The following VCPIP1 variants were observed in gnomAD, a reference collection of about 807,000 sequenced individuals.
The protein encoded by VCPIP1 is deubiquitinating protein VCPIP1.
VCPIP1 carries 8 observed loss-of-function variants against 85.0 expected under a neutral mutation model. The observed-to-expected ratio is 0.09, with a 90% CI of 0.06 to 0.17. The LOEUF is 0.17. Among genes scored for constraint, VCPIP1 ranks in the 10% least tolerant of loss-of-function variants. The pLI is 1.00. For missense variants in VCPIP1, 1,070 were observed against 1,486.3 expected (o/e 0.72, Z 4.61); for synonymous variants, 543 against 544.5 (o/e 1.00, Z 0.04).
chr8:66,644,518 TAG>T (rs905548142), intron 2 of VCPIP1, among the ~76,000 whole-genome samples: 3 of 152,072 alleles, frequency 2.0e-5, no homozygotes, highest in African/African-American at 7.2e-5. Context: ...AACCCAGGAA[TAG>T]AAAGAAATGT....
chr8:66,632,854 T>C lies in VCPIP1; in HGVS notation c.*1647A>G, dbSNP rs1295661502. ...AGTGTACAATATAAAAGTTTAAAAA[T>C]TTCCTGCTGTTTTGATAGGGAGAAA... is the stretch of plus-strand genomic sequence containing the variant. On this transcript the variant is annotated 3_prime_UTR_variant, in exon 3 of 3. Transcript: ENST00000310421. The C allele has an allele frequency of 6.6e-6, 1 of 152,062 alleles. No individual in the cohort carries two copies. The highest frequency in any genetic ancestry group is 2.4e-5 in the African/African-American group (1 of 41,430). 9.4% of individuals were successfully genotyped at this position (152,062 alleles called of 1,614,324 possible).
chr8:66,643,889 A>AAG (rs1487504258), intron 2 of VCPIP1, among the ~76,000 whole-genome samples: 20 of 150,784 alleles, frequency 1.3e-4, no homozygotes, highest in Non-Finnish European at 3.0e-5. Context: ...ACAGCCAAAA[A>AAG]AAAAAAAAAA....
chr8:66,634,774 T>C lies in VCPIP1; in HGVS notation c.3396A>G (p.Ser1132=). 6.2e-7 allele frequency: 1 copy of C among 1,614,238 alleles called. No homozygotes were observed. The highest frequency in any genetic ancestry group is 8.5e-7 in the Non-Finnish European group (1 of 1,180,040). Residue 1132 remains serine (S), a synonymous_variant, in exon 3 of 3, where the codon TCA becomes TCG. Coordinates refer to ENST00000310421, the MANE Select transcript of VCPIP1 (RefSeq NM_025054.5). The stretch of plus-strand genomic sequence containing the variant: ...TTTTCCTTTGAGGAAGATCAGATGG[T>C]GACTGCTCTGTACTTTGATCCCGAA... The part of the protein sequence containing the change: ...RHLRDQSTEQ[S]PSDLPQRKTE...
In VCPIP1 at chr8:66,635,284, A is replaced by G; in HGVS notation, c.2886T>C (p.Cys962=). Residue 962 remains cysteine (C), a synonymous_variant, in exon 3 of 3, where the codon TGT becomes TGC. Transcript: ENST00000310421. ...YNASEDRLEL[C]VDAAGHFPIG... ...TGGGGAAATGTCCTGCAGCATCCAC[A>G]CACAATTCCAGTCTATCTTCAGAAG... 1.2e-6 allele frequency: 2 copies of G among 1,614,222 alleles called. No homozygotes were observed. The highest frequency in any genetic ancestry group is 1.7e-6 in the Non-Finnish European group (2 of 1,180,042).
intron 1 of VCPIP1, among the ~76,000 whole-genome samples, chr8:66,654,869 A>G (rs1046576254): frequency 6.6e-6 from 1 of 152,240 alleles, no homozygotes; most frequent in Non-Finnish European, 1.5e-5. Context: ...GCCGTATGGC[A>G]AAGTCCAAGT....
intron 2 of VCPIP1, among the ~76,000 whole-genome samples, chr8:66,647,009 A>C (rs1811001978): frequency 6.6e-6 from 1 of 152,088 alleles, no homozygotes; most frequent in Non-Finnish European, 1.5e-5. Flanking sequence ...TAGGCAACAG[A>C]GCAAGACTCT....
intron 2 of VCPIP1, 40 bp downstream of exon 2, chr8:66,651,418 G>T: frequency 7.0e-7 from 1 of 1,436,360 alleles, no homozygotes. Context: ...AACAGCTTCA[G>T]TAGAGCTATT....
At position 66,666,706 on chromosome 8, in the gene VCPIP1, C is replaced by T; in HGVS notation, c.253G>A (p.Val85Ile). ...ACGTCCGGGTCGGTCACCTCCTCAA[C>T]CCCCAGCAGCTGTTGCTGCTCGTGC... ...QRHEQQQLLG[V>I]EEVTDPDVVL... Residue 85 changes from valine (V) to isoleucine (I), a missense_variant, in exon 1 of 3, where the codon GTT (valine) becomes ATT (isoleucine). Physicochemically the swap from Val to Ile is conservative, Grantham distance 29. Transcript: ENST00000310421. The surrounding 1 kb of genome is among the most constrained non-coding windows in gnomAD (Gnocchi z 6.3). 6.2e-7 allele frequency: 1 copy of T among 1,614,196 alleles called. No homozygotes were observed. The highest frequency in any genetic ancestry group is 1.1e-5 in the South Asian group (1 of 91,080).
At chr8:66,651,630 A>G in intron 1 of VCPIP1, 86 bp from the exon 2 acceptor site, 1 of 1,041,420 alleles carries the variant, frequency 9.6e-7, no homozygotes. Flanking sequence ...CCTAGAATAA[A>G]CATCAAGGCA....
At position 66,667,193 on chromosome 8, in the gene VCPIP1, C is replaced by T. The variant is rs1001691994; in HGVS notation, c.-235G>A. 6.0e-5 allele frequency: 44 copies of T among 737,422 alleles called. 1 individual carries two copies. The South Asian group carries it at 6.7e-4, about 11-fold the overall frequency. The allele number at this position is 737,422 out of a possible 1,614,324, so 45.7% of individuals were successfully genotyped here. A position where few individuals can be genotyped will look rare whatever the true frequency, so the allele number is the denominator to read the frequency against. ...GTAACGGCCACCACCCCACCCCGCACTCACACTCACTCACTCTCGCTCTCT... is the reference window on the plus strand; with the variant it reads ...GTAACGGCCACCACCCCACCCCGCATTCACACTCACTCACTCTCGCTCTCT... On this transcript the variant is annotated 5_prime_UTR_variant, in exon 1 of 3. In the 5' UTR this introduces an upstream ATG that the reference lacks. Transcript: ENST00000310421.
intron 1 of VCPIP1, among the ~76,000 whole-genome samples, chr8:66,656,499 C>T (rs938989344): frequency 2.0e-5 from 3 of 152,116 alleles, no homozygotes; most frequent in African/African-American, 4.8e-5. Flanking sequence ...AGCCTTCTAA[C>T]TTTAAATATT....
intron 2 of VCPIP1, among the ~76,000 whole-genome samples, chr8:66,638,570 C>G (rs556854223): frequency 3.0e-4 from 45 of 151,402 alleles, no homozygotes; most frequent in African/African-American, 9.5e-4. Flanking sequence ...ACGAGGTCAG[C>G]AGATCAAGAC....
intron 2 of VCPIP1, among the ~76,000 whole-genome samples, chr8:66,639,474 C>T (rs1165964897): frequency 2.0e-5 from 3 of 151,424 alleles, no homozygotes; most frequent in African/African-American, 7.3e-5. Context: ...CATGCCTCAG[C>T]CTCCTGGGTA....
At chr8:66,654,745 G>T (rs1455414901) in intron 1 of VCPIP1, among the ~76,000 whole-genome samples, 2 of 152,230 alleles carry the variant, frequency 1.3e-5, no homozygotes, top group East Asian at 3.9e-4. Flanking sequence ...TAACGCCCAG[G>T]TTCAATGCCT....
chr8:66,657,549 C>T (rs1811112687), intron 1 of VCPIP1, among the ~76,000 whole-genome samples: 1 of 152,152 alleles, frequency 6.6e-6, no homozygotes, highest in African/African-American at 2.4e-5. Context: ...AATTCAGTCC[C>T]CTTAACGGTA....
chr8:66,644,639 A>C (rs756605925), intron 2 of VCPIP1, among the ~76,000 whole-genome samples: 1 of 152,182 alleles, frequency 6.6e-6, no homozygotes, highest in Non-Finnish European at 1.5e-5. Context: ...TTTCCGACTC[A>C]ACACTGAACT....
chr8:66,638,968 CTCTA>C (rs1241500107), intron 2 of VCPIP1, among the ~76,000 whole-genome samples: 37 of 127,028 alleles, frequency 2.9e-4, no homozygotes, highest in Admixed American at 7.0e-4. Context: ...CTCTCTCTCT[CTCTA>C]TATATATATA....
intron 2 of VCPIP1, among the ~76,000 whole-genome samples, chr8:66,646,016 C>T (rs1024260491): frequency 2.0e-5 from 3 of 151,858 alleles, no homozygotes; most frequent in African/African-American, 7.3e-5. Context: ...TTGATCTATA[C>T]AGATGCTCCT....
intron 2 of VCPIP1, among the ~76,000 whole-genome samples, chr8:66,651,046 A>G (rs1295186577): frequency 4.6e-5 from 7 of 151,404 alleles, no homozygotes; most frequent in Admixed American, 4.6e-4. Context: ...TTAGCCGGGC[A>G]TGGTAGCACA....
Sources: allele counts gnomAD v4.1 joint callset (sites outside exome capture counted in the v4.1 genomes callset), GRCh38; gene constraint gnomAD v4.1.1; non-coding constraint Gnocchi (gnomAD v3.1); transcripts MANE v1.5; gene names NCBI Gene and HGNC (gene_info 2026-07-23, HGNC 2026-07-21).